Variants in GRID2 observed in about 807,000 individuals in gnomAD.
GRID2 encodes glutamate ionotropic receptor delta type subunit 2, also known as glutamate receptor ionotropic, delta-2.
In GRID2, 33 loss-of-function variants were observed where a neutral mutation model predicts 114.8. That is an observed-to-expected ratio of 0.29 (90% CI 0.22 to 0.38). GRID2 has a LOEUF of 0.38. Among genes scored for constraint, GRID2 ranks in the 10% least tolerant of loss-of-function variants. The pLI, the probability that GRID2 is intolerant of heterozygous loss-of-function variation, is 1.00. For missense variants in GRID2, 1,184 were observed against 1,257.7 expected, an observed-to-expected ratio of 0.94 and a Z score of 0.89; for synonymous variants, 505 against 449.9, an observed-to-expected ratio of 1.12 and a Z score of -1.55.
At chr4:92,554,151 A>G (rs137862313) in intron 1 of GRID2, among the ~76,000 whole-genome samples, 47 of 152,316 alleles carry the variant, frequency 3.1e-4, no homozygotes, top group African/African-American at 1.1e-3. Flanking sequence ...TTGTTCCTAG[A>G]ATGGAAATAG....
intron 6 of GRID2, among the ~76,000 whole-genome samples, chr4:93,222,066 T>C (rs984475806): frequency 6.6e-6 from 1 of 152,134 alleles, no homozygotes; most frequent in African/African-American, 2.4e-5. Context: ...CTCTCCATCC[T>C]TCGTCTTCTT....
intron 2 of GRID2, among the ~76,000 whole-genome samples, chr4:92,872,713 C>T (rs1745361039): frequency 6.6e-6 from 1 of 152,176 alleles, no homozygotes; most frequent in Non-Finnish European, 1.5e-5. Context: ...GAAGCCATGC[C>T]TGTGCCTCCA....
intron 2 of GRID2, among the ~76,000 whole-genome samples, chr4:92,995,542 C>T (rs754679203): frequency 1.3e-5 from 2 of 152,068 alleles, no homozygotes; most frequent in African/African-American, 4.8e-5. Flanking sequence ...GTGATTTTAA[C>T]TGAAGTGAAG....
intron 2 of GRID2, among the ~76,000 whole-genome samples, chr4:92,611,104 ATATGTGTGTGTATG>A (rs1203263132): frequency 2.2e-5 from 3 of 137,516 alleles, no homozygotes; most frequent in African/African-American, 7.9e-5. Context: ...GTGTGTGTGT[ATATGTGTGTGTATG>A]TGTGTGTGTG....
intron 1 of GRID2, among the ~76,000 whole-genome samples, chr4:93,790,536 GTTAT>G (rs1734675037): frequency 1.5e-5 from 2 of 129,114 alleles, no homozygotes; most frequent in South Asian, 5.6e-4. Flanking sequence ...CTCAAAAAAT[GTTAT>G]TTAACTATAA....
intron 14 of GRID2, among the ~76,000 whole-genome samples, chr4:93,682,019 A>G (rs868310911): frequency 4.0e-4 from 61 of 151,644 alleles, no homozygotes; most frequent in Non-Finnish European, 5.7e-4. Flanking sequence ...GAAAATTTTC[A>G]CAACCTACTC....
intron 11 of GRID2, among the ~76,000 whole-genome samples, chr4:93,480,031 C>G (rs568008882): frequency 6.6e-6 from 1 of 152,064 alleles, no homozygotes; most frequent in African/African-American, 2.4e-5. Flanking sequence ...AGCTTTTCTT[C>G]ATGGATTCTG....
chr4:93,530,416 T>C (rs1463550155), intron 13 of GRID2, among the ~76,000 whole-genome samples: 2 of 152,186 alleles, frequency 1.3e-5, no homozygotes, highest in Non-Finnish European at 2.9e-5. Flanking sequence ...TCACATGCCA[T>C]ACATTACTAT....
chr4:92,572,672 C>T (rs1255215640), intron 1 of GRID2, among the ~76,000 whole-genome samples: 2 of 152,062 alleles, frequency 1.3e-5, no homozygotes, highest in Non-Finnish European at 2.9e-5. Flanking sequence ...TCCTTGCATC[C>T]TACTTGATCA....
At chr4:92,734,880 T>C (rs1736517227) in intron 2 of GRID2, among the ~76,000 whole-genome samples, 1 of 151,374 alleles carries the variant, frequency 6.6e-6, no homozygotes, top group South Asian at 2.1e-4. Context: ...CCAAGGGTCA[T>C]GTGACCCTCT....
At chr4:93,196,068 A>G (rs1230405429) in intron 4 of GRID2, among the ~76,000 whole-genome samples, 2 of 152,164 alleles carry the variant, frequency 1.3e-5, no homozygotes, top group Admixed American at 6.6e-5. Context: ...TAATTTTTCA[A>G]TGGTAAGAAA....
At chr4:92,656,971 TA>T (rs1732274645) in intron 2 of GRID2, among the ~76,000 whole-genome samples, 1 of 151,680 alleles carries the variant, frequency 6.6e-6, no homozygotes, top group South Asian at 2.1e-4. Flanking sequence ...ATATTGCATT[TA>T]TTTTTTTTTC....
intron 1 of GRID2, among the ~76,000 whole-genome samples, chr4:92,408,431 CTTTTTTTTTTTTTTT>C (rs35638036): frequency 0.04 from 783 of 19,514 alleles, 26 homozygotes; most frequent in African/African-American, 0.11. Context: ...TATTCAAGCT[CTTTTTTTTTTTTTTT>C]TTTTTTTTTT....
chr4:92,553,195 C>T (rs1726681790), intron 1 of GRID2, among the ~76,000 whole-genome samples: 1 of 152,130 alleles, frequency 6.6e-6, no homozygotes, highest in South Asian at 2.1e-4. Flanking sequence ...CTAAGACGGA[C>T]CTAACTTTGT....
chr4:92,411,560 G>C (rs1452346568), intron 1 of GRID2, among the ~76,000 whole-genome samples: 1 of 149,164 alleles, frequency 6.7e-6, no homozygotes, highest in Admixed American at 6.7e-5. Flanking sequence ...TTCATATGCT[G>C]TCTCAAGCCT....
intron 2 of GRID2, among the ~76,000 whole-genome samples, chr4:92,891,270 A>G (rs568414113): frequency 5.9e-5 from 9 of 152,312 alleles, no homozygotes; most frequent in Non-Finnish European, 1.3e-4. Flanking sequence ...TATAAGAAAA[A>G]AAAGCAGAAG....
chr4:92,596,454 A>G (rs1263950915), intron 2 of GRID2, among the ~76,000 whole-genome samples: 2 of 152,188 alleles, frequency 1.3e-5, no homozygotes, highest in East Asian at 3.9e-4. Flanking sequence ...CTGGATGTCT[A>G]TTCAGTGACT....
intron 1 of GRID2, among the ~76,000 whole-genome samples, chr4:92,444,870 A>G (rs1478761479): frequency 3.9e-5 from 6 of 152,174 alleles, no homozygotes; most frequent in Non-Finnish European, 8.8e-5. Context: ...TGGTATTTAA[A>G]CAAATAGGTA....
At chr4:92,719,948 A>G (rs1735734413) in intron 2 of GRID2, among the ~76,000 whole-genome samples, 1 of 152,092 alleles carries the variant, frequency 6.6e-6, no homozygotes, top group African/African-American at 2.4e-5. Flanking sequence ...ATACGGTTTT[A>G]TTATTTAAGG....
Sources: allele counts gnomAD v4.1 joint callset (sites outside exome capture counted in the v4.1 genomes callset), GRCh38; gene constraint gnomAD v4.1.1; transcripts MANE v1.5; gene names NCBI Gene and HGNC (gene_info 2026-07-23, HGNC 2026-07-21).